The following RNF13 variants were observed in gnomAD, a reference collection of about 807,000 sequenced individuals.
RNF13 encodes E3 ubiquitin-protein ligase RNF13.
In RNF13, 19 loss-of-function variants were observed where a neutral mutation model predicts 37.7. The observed-to-expected ratio is 0.50, with a 90% CI of 0.35 to 0.74. The LOEUF is 0.74. Ranked by LOEUF, RNF13 falls within the 30% of genes least tolerant of loss-of-function variation. The pLI, the probability that RNF13 is intolerant of heterozygous loss-of-function variation, is 0.01. For missense variants in RNF13, 375 were observed against 453.0 expected (o/e 0.83, Z 1.56); for synonymous variants, 144 against 157.8 (o/e 0.91, Z 0.65).
intron 2 of RNF13, among the ~76,000 whole-genome samples, chr3:149,849,603 A>G (rs1722949519): frequency 6.6e-6 from 1 of 152,202 alleles, no homozygotes; most frequent in Non-Finnish European, 1.5e-5. Context: ...GTAGTGGGTT[A>G]AGGGCTGGAG....
At chr3:149,874,368 G>A (rs987625485) in intron 4 of RNF13, among the ~76,000 whole-genome samples, 2 of 152,070 alleles carry the variant, frequency 1.3e-5, no homozygotes, top group Non-Finnish European at 1.5e-5. Flanking sequence ...TTTACTAGCA[G>A]TATGATCTTG....
intron 1 of RNF13, among the ~76,000 whole-genome samples, chr3:149,845,553 C>A (rs1722564223): frequency 1.3e-5 from 2 of 151,924 alleles, no homozygotes; most frequent in Admixed American, 1.3e-4. Flanking sequence ...GATGTTGGTA[C>A]AATATACAAT....
chr3:149,937,003 T>A, intron 8 of RNF13, among the ~76,000 whole-genome samples: 1 of 152,120 alleles, frequency 6.6e-6, no homozygotes, highest in East Asian at 1.9e-4. Context: ...GGGGATTCCC[T>A]GGCTGGGGTT....
chr3:149,850,029 T>C (rs1180330875), intron 2 of RNF13, among the ~76,000 whole-genome samples: 1 of 151,758 alleles, frequency 6.6e-6, no homozygotes, highest in Non-Finnish European at 1.5e-5. Flanking sequence ...GCCCAAGCTG[T>C]TGTGCAGTGG....
intron 3 of RNF13, among the ~76,000 whole-genome samples, chr3:149,863,060 A>G (rs1157686615): frequency 6.6e-6 from 1 of 152,124 alleles, no homozygotes; most frequent in African/African-American, 2.4e-5. Flanking sequence ...TGTTCTCCCT[A>G]CTTTTGTTTG....
chr3:149,895,770 T>G (rs574706276), intron 5 of RNF13, among the ~76,000 whole-genome samples: 1 of 152,176 alleles, frequency 6.6e-6, no homozygotes, highest in Non-Finnish European at 1.5e-5. Flanking sequence ...AACATATATG[T>G]TTTATTTATT....
chr3:149,841,041 C>T (rs1467488852), intron 1 of RNF13, among the ~76,000 whole-genome samples: 1 of 152,208 alleles, frequency 6.6e-6, no homozygotes, highest in East Asian at 1.9e-4. Context: ...GAAACAGACA[C>T]TGTAGGGAAT....
intron 8 of RNF13, among the ~76,000 whole-genome samples, chr3:149,925,936 T>C (rs1012746602): frequency 9.2e-5 from 14 of 152,212 alleles, no homozygotes; most frequent in African/African-American, 3.4e-4. Context: ...GTTGTTTTAC[T>C]TTTTATTTCC....
Position 149,846,132 on chromosome 3 carries a change from AT to A in RNF13, c.110del (p.Leu37Ter). The A allele has an allele frequency of 6.3e-7, 1 of 1,599,032 alleles. No individual in the cohort carries two copies. Among genetic ancestry groups the A allele is most frequent in the Non-Finnish European group, 8.6e-7 (1 of 1,166,572 alleles). On this transcript the variant is annotated frameshift_variant, in exon 2 of 10. Transcript: ENST00000392894. LOFTEE classifies it high-confidence loss of function. Reference sequence around the variant, plus strand: ...AAACCTACTGCCTGTAGAAGCAGACATTTTAGCAGTAAGTACAGTAAAATTT... The same window carrying A: ...AAACCTACTGCCTGTAGAAGCAGACATTTAGCAGTAAGTACAGTAAAATTT... ...FLNLLPVEAD[I>X]LAYNFENASQ...
intron 8 of RNF13, among the ~76,000 whole-genome samples, chr3:149,949,456 ATC>A (rs1463316438): frequency 6.7e-6 from 1 of 149,868 alleles, no homozygotes; most frequent in Non-Finnish European, 1.5e-5. Context: ...TGCTTTCAAG[ATC>A]TCTGTCACTA....
At chr3:149,813,023 T>C (rs1320477297), upstream of RNF13, 1 of 152,296 alleles carries the variant, frequency 6.6e-6, no homozygotes, top group African/African-American at 2.4e-5. Context: ...GCTCTTCCCT[T>C]CCAGGGAAGA....
intron 4 of RNF13, among the ~76,000 whole-genome samples, chr3:149,892,659 C>T (rs1714837313): frequency 6.6e-6 from 1 of 152,092 alleles, no homozygotes; most frequent in Admixed American, 6.5e-5. Flanking sequence ...GGAGCGTGAA[C>T]CCTATTGTGA....
Position 149,956,390 on chromosome 3 carries a change from C to T in RNF13, c.701-3666C>T, listed in dbSNP as rs776359093. 2.6e-4 allele frequency among the ~76,000 whole-genome samples: 39 copies of T among 152,158 alleles called. 1 individual carries two copies. The highest frequency in any genetic ancestry group is 6.5e-4 in the Admixed American group (10 of 15,270). On this transcript the variant is annotated intron_variant, in intron 8 of 9. Transcript: ENST00000392894. ...TGACAGATGGTATGAAGGCTCTAAGCAAAAGAAGCATCAAAGATAGGCCTA... is the reference window on the plus strand; with the variant it reads ...TGACAGATGGTATGAAGGCTCTAAGTAAAAGAAGCATCAAAGATAGGCCTA...
At chr3:149,845,097 T>G (rs1722522065) in intron 1 of RNF13, among the ~76,000 whole-genome samples, 1 of 152,212 alleles carries the variant, frequency 6.6e-6, no homozygotes, top group Admixed American at 6.5e-5. Context: ...ACCTTAAAAA[T>G]TATTCACAGG....
In RNF13 at chr3:149,834,728, G is replaced by T. The variant is rs187588493; in HGVS notation, c.-16-11283G>T. Among the ~76,000 whole-genome samples the T allele has an allele frequency of 3.9e-4, 60 of 152,276 alleles. 1 individual carries two copies. In the East Asian group the frequency reaches 0.011, roughly 28 times the overall value. On this transcript the variant is annotated intron_variant, in intron 1 of 9. Coordinates refer to ENST00000392894, the MANE Select transcript of RNF13 (RefSeq NM_183381.3). ...CTTGCTGTGTGATGGGCTCCCTTTT[G>T]CCTTCTGCCATGAATGGAAGCAGCT...
intron 3 of RNF13, among the ~76,000 whole-genome samples, chr3:149,869,993 A>C (rs915810490): frequency 2.0e-5 from 3 of 151,796 alleles, no homozygotes; most frequent in Non-Finnish European, 4.4e-5. Context: ...CCTGTGGGAC[A>C]AACCTACTGT....
rs376618726 is a variant in RNF13, at chr3:149,889,292, C to CGTGTGTGTGTGTGTGTGTGTGT, written c.322-6168_322-6147dup. On this transcript the variant is annotated intron_variant, in intron 4 of 9. Transcript: ENST00000392894. ...TGCTGAAAATCTGAATTTGAGTGTG[C>CGTGTGTGTGTGTGTGTGTGTGT]GTGTGTGTGTGTGTGTGTGTGTGTG... Among the ~76,000 whole-genome samples, 5 of 138,224 alleles carry CGTGTGTGTGTGTGTGTGTGTGT rather than the reference C, an allele frequency of 3.6e-5. No individual in the cohort carries two copies. The East Asian group carries it at 6.7e-4, about 18-fold the overall frequency. 90.7% of individuals were successfully genotyped at this position (138,224 alleles called of 152,430 possible). A position where few individuals can be genotyped will look rare whatever the true frequency, so the allele number is the denominator to read the frequency against.
At chr3:149,870,440 T>C (rs1018996232) in intron 3 of RNF13, among the ~76,000 whole-genome samples, 4 of 151,844 alleles carry the variant, frequency 2.6e-5, no homozygotes, top group Admixed American at 6.6e-5. Context: ...TTGCTGTACA[T>C]TTGTTTTTCT....
chr3:149,939,861 A>G (rs1280498626), intron 8 of RNF13: 1 of 468,332 alleles, frequency 2.1e-6, no homozygotes, highest in Non-Finnish European at 4.1e-6. Context: ...GCTGCTCCAG[A>G]GAACAGCCGC....
Sources: gnomAD v4.1 joint callset for allele counts (sites outside exome capture counted in the v4.1 genomes callset) on GRCh38, gnomAD v4.1.1 for gene constraint, MANE v1.5 for transcripts, NCBI Gene and HGNC (gene_info 2026-07-23, HGNC 2026-07-21) for gene names.